The following OASL variants were observed in gnomAD, a reference collection of about 807,000 sequenced individuals.
The protein encoded by OASL is 2'-5'-oligoadenylate synthetase like, also known as 2'-5'-oligoadenylate synthase-like protein.
A neutral mutation model predicts 35.3 loss-of-function variants in OASL; 28 were observed. That is an observed-to-expected ratio of 0.79 (90% CI 0.59 to 1.09). The LOEUF is 1.09. OASL is among the 50% of genes least tolerant of loss of function. OASL has a pLI of 0.00. For missense variants in OASL, 620 were observed against 635.2 expected (o/e 0.98, Z 0.26); for synonymous variants, 252 against 254.6 (o/e 0.99, Z 0.10).
chr12:121,038,781 A>G (rs1242508929), exon 1 of OASL: 13 of 1,613,920 alleles, frequency 8.1e-6, no homozygotes, highest in Non-Finnish European at 1.1e-5. Context: ...TACCTTGACT[A>G]CCTTCAGCAC....
intron 5 of OASL, among the ~76,000 whole-genome samples, chr12:121,023,050 G>C (rs1482195774): frequency 6.6e-6 from 1 of 152,178 alleles, no homozygotes; most frequent in Non-Finnish European, 1.5e-5. Flanking sequence ...TTGGACAAGA[G>C]CTTTGCACAC....
At chr12:121,028,879 A>G (rs1050146748) in intron 3 of OASL, among the ~76,000 whole-genome samples, 1 of 152,010 alleles carries the variant, frequency 6.6e-6, no homozygotes, top group Non-Finnish European at 1.5e-5. Context: ...AGCTTGGCCA[A>G]CATGGTGAAA....
downstream of OASL, among the ~76,000 whole-genome samples, chr12:121,018,031 T>G (rs532606339): frequency 2.0e-5 from 3 of 152,328 alleles, no homozygotes; most frequent in South Asian, 6.2e-4. Context: ...CTTGAGATAA[T>G]TTTTGTGACA....
At chr12:121,028,617 GCC>G (rs1306085541) in intron 3 of OASL, among the ~76,000 whole-genome samples, 1 of 138,804 alleles carries the variant, frequency 7.2e-6, no homozygotes, top group African/African-American at 2.7e-5. Flanking sequence ...CCTGAAACCC[GCC>G]CCCCCCGCCC....
At chr12:121,029,649 C>T (rs1592936465) in intron 3 of OASL, among the ~76,000 whole-genome samples, 1 of 151,806 alleles carries the variant, frequency 6.6e-6, no homozygotes, top group South Asian at 2.1e-4. Flanking sequence ...GATTGCGCCA[C>T]TGCATTCCAG....
chr12:121,033,578 C>T (rs1490448684), exon 2 of OASL: 20 of 1,614,152 alleles, frequency 1.2e-5, no homozygotes, highest in South Asian at 5.5e-5. Flanking sequence ...TCCTCGAGCC[C>T]GAGGTCCAGC....
At chr12:121,037,482 A>T (rs1226074904) in intron 1 of OASL, among the ~76,000 whole-genome samples, 3 of 152,106 alleles carry the variant, frequency 2.0e-5, no homozygotes, top group Non-Finnish European at 4.4e-5. Context: ...AGCCTCCATT[A>T]AAAAATCATT....
chr12:121,034,847 T>C (rs1869886339), intron 1 of OASL, among the ~76,000 whole-genome samples: 1 of 152,158 alleles, frequency 6.6e-6, no homozygotes, highest in Non-Finnish European at 1.5e-5. Flanking sequence ...TTCTTCTCAT[T>C]ATCCAGCTGA....
At chr12:121,037,726 C>T (rs61953353) in intron 1 of OASL, among the ~76,000 whole-genome samples, 16,277 of 150,126 alleles carry the variant, frequency 0.11, 1,011 homozygotes, top group Middle Eastern at 0.18. Context: ...GAGCTGAGAT[C>T]GTGCCACTGC....
In OASL at chr12:121,027,558, C is replaced by A; in HGVS notation, c.899+18G>T. 1 of 1,611,926 alleles carries A rather than the reference C, an allele frequency of 6.2e-7. No individual in the cohort carries two copies. Among genetic ancestry groups the A allele is most frequent in the South Asian group, 1.1e-5 (1 of 90,954 alleles). ...CTTTTTTTCTGTAAGATTTGGTGGG[C>A]AAACAGTGGTCCAGTACCTCTCTTT... On this transcript the variant is annotated intron_variant, in intron 4 of 5. Transcript: ENST00000257570.
chr12:121,023,505 G>A (rs1290529851), intron 5 of OASL, among the ~76,000 whole-genome samples: 1 of 151,956 alleles, frequency 6.6e-6, no homozygotes, highest in African/African-American at 2.4e-5. Flanking sequence ...GGCCGGGCTG[G>A]TCTTGAACTC....
intron 1 of OASL, among the ~76,000 whole-genome samples, chr12:121,035,164 G>A (rs1260220723): frequency 1.3e-5 from 2 of 152,060 alleles, no homozygotes; most frequent in East Asian, 1.9e-4. Flanking sequence ...GAGCACGGAT[G>A]CTGGATGACA....
intron 1 of OASL, among the ~76,000 whole-genome samples, chr12:121,035,903 G>A (rs1209765160): frequency 2.6e-5 from 4 of 152,164 alleles, no homozygotes; most frequent in Admixed American, 1.3e-4. Flanking sequence ...TGTTGCCCAG[G>A]CTGGAGTGCA....
chr12:121,038,819 C>G, exon 1 of OASL: 11 of 1,614,154 alleles, frequency 6.8e-6, no homozygotes, highest in Non-Finnish European at 8.5e-6. Flanking sequence ...GCCCACGCTT[C>G]CCCTGGAAAT....
At chr12:121,038,693 A>C in intron 1 of OASL, 81 bp downstream of exon 1, 1 of 1,379,028 alleles carries the variant, frequency 7.3e-7, no homozygotes, top group Non-Finnish European at 1.0e-6. Flanking sequence ...TAAGGAGGAC[A>C]GGGGTCCCCA....
chr12:121,026,146 C>T (rs1176517808), intron 4 of OASL, among the ~76,000 whole-genome samples: 3 of 152,110 alleles, frequency 2.0e-5, no homozygotes, highest in African/African-American at 7.2e-5. Flanking sequence ...GAGAGAGAAG[C>T]AGAGGCTGAG....
At chr12:121,023,957 C>G in intron 5 of OASL, 33 bp downstream of exon 5, 1 of 1,612,266 alleles carries the variant, frequency 6.2e-7, no homozygotes, top group Non-Finnish European at 8.5e-7. Context: ...TTCTGACCTT[C>G]AAGCCCTTGA....
chr12:121,024,967 G>A (rs940992182), intron 4 of OASL, among the ~76,000 whole-genome samples: 9 of 128,040 alleles, frequency 7.0e-5, no homozygotes, highest in Admixed American at 3.5e-4. Context: ...ACCTCCCTAA[G>A]TTCCTTTTTT....
chr12:121,028,973 GAGA>G (rs971044410), intron 3 of OASL, among the ~76,000 whole-genome samples: 1 of 151,448 alleles, frequency 6.6e-6, no homozygotes, highest in Non-Finnish European at 1.5e-5. Context: ...GCTGAGGCGG[GAGA>G]ATCGCTTGAA....
Sources: gnomAD v4.1 joint callset for allele counts (sites outside exome capture counted in the v4.1 genomes callset) on GRCh38, gnomAD v4.1.1 for gene constraint, MANE v1.5 for transcripts, NCBI Gene and HGNC (gene_info 2026-07-23, HGNC 2026-07-21) for gene names.